CRACR2A: variants seen among roughly 807,000 people sequenced by gnomAD.
CRACR2A encodes calcium release activated channel regulator 2A.
A neutral mutation model predicts 90.5 loss-of-function variants in CRACR2A; 79 were observed. The observed-to-expected ratio is 0.87, with a 90% confidence interval of 0.73 to 1.05. The LOEUF (loss-of-function observed/expected upper bound fraction) is 1.05, where lower values mean the gene tolerates loss of function less well. Ranked by LOEUF, CRACR2A falls within the 50% of genes least tolerant of loss-of-function variation. CRACR2A has a pLI of 0.00. For missense variants in CRACR2A, 823 were observed against 897.2 expected (o/e 0.92, Z 1.06); for synonymous variants, 338 against 356.7 (o/e 0.95, Z 0.59).
intron 4 of CRACR2A, among the ~76,000 whole-genome samples, chr12:3,686,841 G>C (rs1205593522): frequency 6.6e-6 from 1 of 152,144 alleles, no homozygotes; most frequent in Non-Finnish European, 1.5e-5. Flanking sequence ...GGTTCATGCA[G>C]GTCAACGTCC....
chr12:3,628,745 C>T (rs530292122), intron 15 of CRACR2A, among the ~76,000 whole-genome samples: 3 of 152,338 alleles, frequency 2.0e-5, no homozygotes, highest in South Asian at 2.1e-4. Flanking sequence ...GGGCATCTCC[C>T]GCAACCTTCA....
At chr12:3,674,768 C>CT (rs1174693730) in intron 6 of CRACR2A, among the ~76,000 whole-genome samples, 1 of 152,102 alleles carries the variant, frequency 6.6e-6, no homozygotes, top group Non-Finnish European at 1.5e-5. Context: ...TTTTCCAACA[C>CT]TTTTTTCACA....
At chr12:3,664,442 A>G (rs1028082630) in intron 7 of CRACR2A, among the ~76,000 whole-genome samples, 1 of 151,430 alleles carries the variant, frequency 6.6e-6, no homozygotes, top group Non-Finnish European at 1.5e-5. Context: ...CTTTTTTTTT[A>G]TTAAGTTTTC....
intron 14 of CRACR2A, among the ~76,000 whole-genome samples, chr12:3,637,670 TA>T (rs201753559): frequency 0.026 from 3,826 of 146,276 alleles, 145 homozygotes; most frequent in African/African-American, 0.089. Flanking sequence ...CCACCCTATC[TA>T]AAAAAAAAAA....
chr12:3,640,014 T>A (rs1944536070), intron 13 of CRACR2A, among the ~76,000 whole-genome samples: 1 of 152,206 alleles, frequency 6.6e-6, no homozygotes, highest in Non-Finnish European at 1.5e-5. Flanking sequence ...ACAGAGCATG[T>A]TTTTTCAAAG....
In CRACR2A at chr12:3,654,337, C is replaced by G; in HGVS notation, c.921G>C (p.Lys307Asn). 6.2e-7 allele frequency: 1 copy of G among 1,613,998 alleles called. No individual in the cohort carries two copies. The highest frequency in any genetic ancestry group is 1.7e-5 in the Admixed American group (1 of 59,970). The change falls in exon 10 of 20, where the codon AAG (lysine) becomes AAC (asparagine). Residue 307 changes from lysine to asparagine, a missense_variant. By Grantham distance (94) the Lys-to-Asn change is moderately conservative. Transcript: ENST00000440314. ...DKHETKAENT[K>N]LKLTNQELAR... Reference sequence around the variant, plus strand: ...CCAGCTCCTGGTTAGTGAGTTTCAGCTTGGTATTCTCAGCCTTGGTCTCAT... The same window carrying G: ...CCAGCTCCTGGTTAGTGAGTTTCAGGTTGGTATTCTCAGCCTTGGTCTCAT...
chr12:3,718,284 G>T (rs536088032), intron 2 of CRACR2A, among the ~76,000 whole-genome samples: 1 of 152,298 alleles, frequency 6.6e-6, no homozygotes, highest in African/African-American at 2.4e-5. Context: ...CAGGGGCGTG[G>T]GCATCCTTCC....
intron 1 of CRACR2A, among the ~76,000 whole-genome samples, chr12:3,740,098 T>C (rs1946503010): frequency 6.6e-6 from 1 of 152,060 alleles, no homozygotes; most frequent in South Asian, 2.1e-4. Flanking sequence ...TCATCCTCTT[T>C]CCTCACATCC....
chr12:3,729,741 T>C (rs1270887612), intron 2 of CRACR2A: 3 of 152,102 alleles, frequency 2.0e-5, no homozygotes, highest in Non-Finnish European at 4.4e-5. Context: ...GCATGATAGA[T>C]TGGCTAAAAT....
intron 3 of CRACR2A, among the ~76,000 whole-genome samples, chr12:3,699,746 C>G (rs1405224142): frequency 6.6e-6 from 1 of 152,154 alleles, no homozygotes; most frequent in Non-Finnish European, 1.5e-5. Context: ...AGACAGGCAC[C>G]ATGTCTTATT....
chr12:3,666,364 T>TGTGTGTGTGCGC (rs765943563), intron 7 of CRACR2A, among the ~76,000 whole-genome samples: 33 of 149,600 alleles, frequency 2.2e-4, no homozygotes, highest in African/African-American at 8.2e-4. Context: ...TGCGTGCGTG[T>TGTGTGTGTGCGC]GCGCGTGCGC....
At chr12:3,620,129 T>C (rs966726534) in intron 17 of CRACR2A, among the ~76,000 whole-genome samples, 9 of 152,252 alleles carry the variant, frequency 5.9e-5, no homozygotes, top group Non-Finnish European at 8.8e-5. Flanking sequence ...AGGGGCCTGC[T>C]TCCCGGGTCT....
At chr12:3,616,244 ATATTTT>A (rs902456743) in intron 19 of CRACR2A, among the ~76,000 whole-genome samples, 6 of 152,246 alleles carry the variant, frequency 3.9e-5, no homozygotes, top group African/African-American at 1.4e-4. Context: ...TCAAAGAAAA[ATATTTT>A]TAAGTGCCCC....
chr12:3,694,208 C>T (rs983613715), intron 4 of CRACR2A, among the ~76,000 whole-genome samples: 2 of 152,220 alleles, frequency 1.3e-5, no homozygotes, highest in African/African-American at 4.8e-5. Context: ...GCAGCTGTTC[C>T]ACCTGGCTGC....
intron 15 of CRACR2A, among the ~76,000 whole-genome samples, chr12:3,632,169 C>T (rs895991945): frequency 2.0e-5 from 3 of 152,178 alleles, no homozygotes; most frequent in East Asian, 3.8e-4. Flanking sequence ...CTCTCTTCCT[C>T]CTGCTCTGGC....
At chr12:3,656,535 A>T (rs1018447601) in intron 8 of CRACR2A, 129 bp from the exon 9 acceptor site, 1 of 772,386 alleles carries the variant, frequency 1.3e-6, no homozygotes, top group African/African-American at 1.7e-5. Context: ...CTTTTCCCAC[A>T]GCACTGCAGG....
At chr12:3,650,259 A>G (rs1413127087) in intron 10 of CRACR2A, among the ~76,000 whole-genome samples, 2 of 152,216 alleles carry the variant, frequency 1.3e-5, no homozygotes, top group Non-Finnish European at 2.9e-5. Flanking sequence ...GCTGGCCCAC[A>G]GGACTCTCCT....
At position 3,652,656 on chromosome 12, in the gene CRACR2A, G is replaced by C. The variant is rs572504808; in HGVS notation, c.1046+1556C>G. Among the ~76,000 whole-genome samples, 19 of 152,296 alleles carry C rather than the reference G, an allele frequency of 1.2e-4. No homozygotes were observed. The East Asian group carries it at 3.1e-3, about 25-fold the overall frequency. On this transcript the variant is annotated intron_variant, in intron 10 of 19. Transcript: ENST00000440314. ...AGACAGAGTGAGCACCTTCACTTTT[G>C]AACAAGGGGAGTTAACATCTATAAA...
chr12:3,631,345 G>GATC (rs1222370635), intron 15 of CRACR2A, among the ~76,000 whole-genome samples: 1 of 152,104 alleles, frequency 6.6e-6, no homozygotes, highest in African/African-American at 2.4e-5. Context: ...AATGTAAACG[G>GATC]ATCCTGATTT....
Sources: gnomAD v4.1 joint callset for allele counts (sites outside exome capture counted in the v4.1 genomes callset) on GRCh38, gnomAD v4.1.1 for gene constraint, MANE v1.5 for transcripts, NCBI Gene and HGNC (gene_info 2026-07-23, HGNC 2026-07-21) for gene names.